Variants in HDAC2 observed in about 807,000 individuals in gnomAD.
HDAC2 encodes the protein YY1-associated factor 1.
A neutral mutation model predicts 68.5 loss-of-function variants in HDAC2; 5 were observed. That is an observed-to-expected ratio of 0.07 (90% CI 0.04 to 0.15). The LOEUF (loss-of-function observed/expected upper bound fraction) is 0.15, where lower values mean the gene tolerates loss of function less well. HDAC2 is among the 10% of genes least tolerant of loss of function. The pLI is 1.00. For missense variants in HDAC2, 291 were observed against 600.8 expected, an observed-to-expected ratio of 0.48 and a Z score of 5.39; for synonymous variants, 182 against 191.3, an observed-to-expected ratio of 0.95 and a Z score of 0.40.
At chr6:113,961,037 C>T (rs1192640442) in intron 1 of HDAC2, among the ~76,000 whole-genome samples, 1 of 152,074 alleles carries the variant, frequency 6.6e-6, no homozygotes, top group Non-Finnish European at 1.5e-5. Context: ...TATGCAAATA[C>T]TATACCAGTT....
chr6:113,944,160 AAATGAC>A (rs1256161296), intron 11 of HDAC2, 114 bp downstream of exon 11: 22 of 898,760 alleles, frequency 2.4e-5, no homozygotes, highest in Middle Eastern at 4.5e-4. Context: ...AAAGTGGCAA[AAATGAC>A]AATATTAACA....
At chr6:113,963,966 C>G (rs987248531) in intron 1 of HDAC2, among the ~76,000 whole-genome samples, 7 of 152,122 alleles carry the variant, frequency 4.6e-5, no homozygotes, top group Non-Finnish European at 1.0e-4. Context: ...AAATTTTACA[C>G]TTTTTCAGAT....
rs1282454873 is a variant in HDAC2 at position 113,934,788 on chromosome 6, T to C, written c.*6270A>G. 6.6e-6 allele frequency: 1 copy of C among 152,214 alleles called. No homozygotes were observed. The highest frequency in any genetic ancestry group is 2.4e-5 in the African/African-American group (1 of 41,466). 9.4% of individuals were successfully genotyped at this position (152,214 alleles called of 1,614,324 possible). ...GCATCAAAAGGGAATAGCACAGGAATTATACCTAAGTCCATTACATATAAC... is the reference window on the plus strand; with the variant it reads ...GCATCAAAAGGGAATAGCACAGGAACTATACCTAAGTCCATTACATATAAC... On this transcript the variant is annotated 3_prime_UTR_variant, in exon 14 of 14. Coordinates refer to ENST00000519065, the MANE Select transcript of HDAC2 (RefSeq NM_001527.4).
intron 3 of HDAC2, chr6:113,958,389 T>C: frequency 3.4e-6 from 1 of 294,448 alleles, no homozygotes; most frequent in Non-Finnish European, 6.2e-6. Context: ...CCTACCAATA[T>C]GTATTAACCC....
intron 9 of HDAC2, 82 bp downstream of exon 9, chr6:113,945,926 T>C: frequency 9.3e-7 from 1 of 1,074,034 alleles, no homozygotes; most frequent in Non-Finnish European, 1.4e-6. Context: ...GATGGGTTTA[T>C]CAGGACCTAA....
chr6:113,964,793 C>T (rs954212678), intron 1 of HDAC2, among the ~76,000 whole-genome samples: 4 of 152,138 alleles, frequency 2.6e-5, no homozygotes, highest in Admixed American at 6.5e-5. Flanking sequence ...ATAAGATGTT[C>T]AAAACAGAGC....
At position 113,944,410 on chromosome 6, in the gene HDAC2, T is replaced by C. The variant is rs76956103; in HGVS notation, c.1092A>G (p.Lys364=). 1.7e-4 allele frequency: 269 copies of C among 1,612,242 alleles called. 3 individuals are homozygous for C. In the East Asian group the frequency reaches 5.9e-3, roughly 36 times the overall value. The change falls in exon 11 of 14, where the codon AAA becomes AAG. Residue 364 remains lysine, a splice_region_variant and synonymous_variant. Transcript: ENST00000519065. ...QNTPEYMEKI[K]QRLFENLRML... ...TGCGCAAATTTTCAAACAAACGCTG[T>C]CTAAATTACACATGCAAAGTTTATT... is the stretch of plus-strand genomic sequence containing the variant.
At chr6:113,960,696 A>G (rs1776662873) in intron 1 of HDAC2, among the ~76,000 whole-genome samples, 3 of 152,106 alleles carry the variant, frequency 2.0e-5, no homozygotes, top group Admixed American at 2.0e-4. Flanking sequence ...AAGAGAAAAT[A>G]ACAAAATCAC....
intron 8 of HDAC2, chr6:113,948,186 C>A (rs1016427964): frequency 2.6e-5 from 4 of 152,074 alleles, no homozygotes; most frequent in Admixed American, 6.6e-5. Context: ...CACTCCTAAT[C>A]CCCCACACAC....
At chr6:113,946,378 T>C (rs1018937006) in intron 8 of HDAC2, 1 of 343,554 alleles carries the variant, frequency 2.9e-6, no homozygotes, top group Non-Finnish European at 5.3e-6. Flanking sequence ...TTAGCAGGTG[T>C]CCCTGATGGA....
intron 6 of HDAC2, 61 bp downstream of exon 6, chr6:113,953,216 T>TAGG (rs1396091119): frequency 8.3e-7 from 1 of 1,209,268 alleles, no homozygotes; most frequent in Non-Finnish European, 1.2e-6. Flanking sequence ...ACTTCAAGTA[T>TAGG]AGGATTACTG....
chr6:113,952,614 G>A (rs544393438), intron 6 of HDAC2, among the ~76,000 whole-genome samples: 1 of 152,030 alleles, frequency 6.6e-6, no homozygotes, highest in Non-Finnish European at 1.5e-5. Flanking sequence ...AATAAATTTC[G>A]ACATTTGTAT....
In HDAC2 at chr6:113,965,191, C is replaced by T. The variant is rs79396393; in HGVS notation, c.53-5173G>A. Among the ~76,000 whole-genome samples, 1,035 of 152,244 alleles carry T rather than the reference C, an allele frequency of 6.8e-3. 11 individuals carry two copies. Among genetic ancestry groups the T allele is most frequent in the African/African-American group, 0.023 (973 of 41,530 alleles). On this transcript the variant is annotated intron_variant, in intron 1 of 13. Transcript: ENST00000519065. ...CTTTTTACTGCCTAACATGGGACTC[C>T]ACATTTTCCTTGTCTTCCTTCCCAT...
chr6:113,945,869 G>A (rs1776253803), intron 9 of HDAC2, 139 bp downstream of exon 9: 7 of 708,818 alleles, frequency 9.9e-6, no homozygotes, highest in Admixed American at 2.5e-5. Context: ...TGTTTGGTAG[G>A]TTAAGTGTAT....
At chr6:113,962,984 A>ATTC (rs1459747517) in intron 1 of HDAC2, among the ~76,000 whole-genome samples, 8 of 151,450 alleles carry the variant, frequency 5.3e-5, no homozygotes, top group African/African-American at 1.9e-4. Flanking sequence ...AAAAAAAAGA[A>ATTC]TTCTTCTAAA....
intron 12 of HDAC2, 129 bp from the exon 13 acceptor site, chr6:113,941,894 T>G (rs1776144233): frequency 3.5e-6 from 1 of 289,586 alleles, no homozygotes; most frequent in Non-Finnish European, 6.1e-6. Flanking sequence ...GAATTCGGTC[T>G]AAATAAGCTT....
chr6:113,950,908 A>C (rs2114600599), intron 6 of HDAC2, among the ~76,000 whole-genome samples: 1 of 152,282 alleles, frequency 6.6e-6, no homozygotes, highest in South Asian at 2.1e-4. Context: ...GCAAAATTAC[A>C]CACCTCCTCT....
chr6:113,946,713 C>T (rs1031074406), intron 8 of HDAC2: 2 of 151,906 alleles, frequency 1.3e-5, no homozygotes, highest in Non-Finnish European at 2.9e-5. Flanking sequence ...TAATAGTAAA[C>T]CTAACATAAA....
rs575854975 is a variant in HDAC2, at chr6:113,937,000, GA to G, written c.*4057del. 6.1e-5 allele frequency: 9 copies of G among 147,888 alleles called. No homozygotes were observed. Among genetic ancestry groups the G allele is most frequent in the East Asian group, 2.0e-4 (1 of 5,094 alleles). The allele number at this position is 147,888 out of a possible 1,614,324, so 9.2% of individuals were successfully genotyped here. On this transcript the variant is annotated 3_prime_UTR_variant, in exon 14 of 14. Transcript: ENST00000519065. ...GAGTGAGACTCTTTCAAAAAAAAAA[GA>G]AAAAAAAATAGCAGCTAACCCTTAC...
Sources: allele counts gnomAD v4.1 joint callset (sites outside exome capture counted in the v4.1 genomes callset), GRCh38; gene constraint gnomAD v4.1.1; transcripts MANE v1.5; gene names NCBI Gene and HGNC (gene_info 2026-07-23, HGNC 2026-07-21).